The following PLEKHS1 variants were observed in gnomAD, a reference collection of about 807,000 sequenced individuals.
The protein encoded by PLEKHS1 is pleckstrin homology domain containing S1, also known as pleckstrin homology domain-containing family S member 1.
In PLEKHS1, 55 loss-of-function variants were observed where a neutral mutation model predicts 51.0. That is an observed-to-expected ratio of 1.08 (90% CI 0.87 to 1.35). The LOEUF is 1.35. Among genes scored for constraint, PLEKHS1 ranks in the 40% most tolerant of loss-of-function variants. PLEKHS1 has a pLI of 0.00. For missense variants in PLEKHS1, 398 were observed against 423.0 expected, an observed-to-expected ratio of 0.94 and a Z score of 0.52; for synonymous variants, 153 against 144.8, an observed-to-expected ratio of 1.06 and a Z score of -0.41.
chr10:113,754,943 G>T (rs997854004), intron 1 of PLEKHS1, among the ~76,000 whole-genome samples: 1 of 152,142 alleles, frequency 6.6e-6, no homozygotes, highest in Non-Finnish European at 1.5e-5. Flanking sequence ...GTTGCCATCC[G>T]CCAGCTCTCT....
intron 11 of PLEKHS1, among the ~76,000 whole-genome samples, chr10:113,780,281 T>C (rs1844825909): frequency 6.6e-6 from 1 of 152,140 alleles, no homozygotes; most frequent in South Asian, 2.1e-4. Context: ...TGTCTGGTGG[T>C]TTCATTTTGA....
At chr10:113,774,067 G>A (rs575820926) in intron 8 of PLEKHS1, among the ~76,000 whole-genome samples, 160 bp from the exon 9 acceptor site, 15 of 152,276 alleles carry the variant, frequency 9.9e-5, no homozygotes, top group African/African-American at 2.9e-4. Flanking sequence ...GTTCAGTCTC[G>A]CGGAGGTAAG....
exon 12 of PLEKHS1, chr10:113,780,779 T>C (rs1414000246): frequency 6.5e-7 from 1 of 1,545,894 alleles, no homozygotes; most frequent in East Asian, 2.4e-5. Flanking sequence ...AGCCAGGGAG[T>C]AACGCACCCC....
At chr10:113,765,381 A>G in intron 2 of PLEKHS1, 1 of 779,476 alleles carries the variant, frequency 1.3e-6, no homozygotes, top group Non-Finnish European at 2.4e-6. Context: ...TTTTTCCAGT[A>G]TGGCTGGAGG....
At chr10:113,763,665 T>G (rs1002457613) in intron 2 of PLEKHS1, among the ~76,000 whole-genome samples, 1 of 152,210 alleles carries the variant, frequency 6.6e-6, no homozygotes, top group African/African-American at 2.4e-5. Flanking sequence ...TAACTTCAAG[T>G]GATAGTATAC....
Position 113,768,893 on chromosome 10 carries a change from G to T in PLEKHS1, c.435+3G>T. On this transcript the variant is annotated splice_donor_region_variant and intron_variant, in intron 6 of 11. Transcript: ENST00000361048. ...AAGCAACACAGCAGAACACAGAGGT[G>T]ACTCCATATCACTAATAAAATAACA... 6.2e-7 allele frequency: 1 copy of T among 1,609,506 alleles called. No individual in the cohort carries two copies. Among genetic ancestry groups the T allele is most frequent in the South Asian group, 1.1e-5 (1 of 90,424 alleles).
At chr10:113,756,622 T>C (rs1378925967) in intron 2 of PLEKHS1, among the ~76,000 whole-genome samples, 1 of 152,188 alleles carries the variant, frequency 6.6e-6, no homozygotes, top group Non-Finnish European at 1.5e-5. Context: ...AGAGAGGTTT[T>C]ACAGGAAAGG....
At chr10:113,753,275 G>A (rs758442040) in intron 1 of PLEKHS1, among the ~76,000 whole-genome samples, 25 of 152,238 alleles carry the variant, frequency 1.6e-4, no homozygotes, top group African/African-American at 3.9e-4. Flanking sequence ...GTTGAAAACC[G>A]CTTGTCCCCA....
At chr10:113,765,466 CAT>C (rs907935174) in intron 2 of PLEKHS1, 13 of 770,702 alleles carry the variant, frequency 1.7e-5, no homozygotes, top group South Asian at 5.5e-5. Context: ...TCAGCACACA[CAT>C]GTGTTAATCG....
chr10:113,774,241 T>C (rs775512419), exon 9 of PLEKHS1: 6 of 1,597,026 alleles, frequency 3.8e-6, no homozygotes, highest in Non-Finnish European at 5.1e-6. Flanking sequence ...ATAATATCAT[T>C]GCTTCCAGTG....
chr10:113,780,528 T>C, intron 11 of PLEKHS1, 74 bp from the exon 13 acceptor site: 3 of 1,394,584 alleles, frequency 2.2e-6, no homozygotes, highest in Non-Finnish European at 3.0e-6. Flanking sequence ...AGGGTATGAA[T>C]GAGGACAGAT....
At chr10:113,778,107 T>C (rs1461910512) in intron 11 of PLEKHS1, 1 of 163,512 alleles carries the variant, frequency 6.1e-6, no homozygotes, top group Non-Finnish European at 1.4e-5. Context: ...TGTTAATTCC[T>C]TCCCTGGTCT....
At chr10:113,758,620 C>T (rs1843779642) in intron 2 of PLEKHS1, among the ~76,000 whole-genome samples, 1 of 152,110 alleles carries the variant, frequency 6.6e-6, no homozygotes, top group South Asian at 2.1e-4. Flanking sequence ...AGACATGTAA[C>T]TCACCTTTCA....
downstream of PLEKHS1, chr10:113,783,154 G>C (rs1333653773): frequency 6.6e-6 from 1 of 151,524 alleles, no homozygotes; most frequent in Non-Finnish European, 1.5e-5. Flanking sequence ...AGAATCACTA[G>C]AACCGGGAGG....
At chr10:113,776,295 AC>A (rs1315626943) in intron 11 of PLEKHS1, among the ~76,000 whole-genome samples, 2 of 152,224 alleles carry the variant, frequency 1.3e-5, no homozygotes, top group African/African-American at 2.4e-5. Context: ...TTAAAAAAAA[AC>A]AAAAAACAAA....
chr10:113,755,219 G>A, intron 1 of PLEKHS1, 40 bp from the exon 2 acceptor site: 5 of 1,567,574 alleles, frequency 3.2e-6, no homozygotes, highest in Non-Finnish European at 3.4e-6. Flanking sequence ...AACACACGTA[G>A]TGTTGTTTGG....
chr10:113,756,678 CAGA>C (rs2134468617), intron 2 of PLEKHS1, among the ~76,000 whole-genome samples: 1 of 152,034 alleles, frequency 6.6e-6, no homozygotes, highest in South Asian at 2.1e-4. Context: ...TTAAAGAAAT[CAGA>C]AAAAAGAGCA....
exon 12 of PLEKHS1, chr10:113,780,635 T>A (rs778701397): frequency 6.2e-7 from 1 of 1,613,912 alleles, no homozygotes; most frequent in Non-Finnish European, 8.5e-7. Flanking sequence ...GATCCCAAAT[T>A]CAGAGACATT....
intron 11 of PLEKHS1, 69 bp from the exon 12 acceptor site, chr10:113,777,055 C>T (rs1335146149): frequency 1.3e-6 from 2 of 1,570,008 alleles, no homozygotes; most frequent in East Asian, 2.3e-5. Context: ...AATCAGGAGA[C>T]CCTGCGTGCC....
Sources: allele counts gnomAD v4.1 joint callset (sites outside exome capture counted in the v4.1 genomes callset), GRCh38; gene constraint gnomAD v4.1.1; transcripts MANE v1.5; gene names NCBI Gene and HGNC (gene_info 2026-07-23, HGNC 2026-07-21).